SMIM8: variants seen among roughly 807,000 people sequenced by gnomAD.
SMIM8 encodes small integral membrane protein 8.
SMIM8 carries 8 observed loss-of-function variants against 8.1 expected under a neutral mutation model. That is an observed-to-expected ratio of 0.99 (90% CI 0.58 to 1.78). The LOEUF is 1.78. Among genes scored for constraint, SMIM8 ranks in the 40% most tolerant of loss-of-function variants. SMIM8 has a pLI of 0.00. For synonymous variants in SMIM8, 45 were observed against 39.7 expected (o/e 1.13, Z -0.50); for missense variants, 126 against 119.8 (o/e 1.05, Z -0.24).
chr6:87,335,540 T>C (rs1020245405), intron 2 of SMIM8, among the ~76,000 whole-genome samples: 1 of 152,152 alleles, frequency 6.6e-6, no homozygotes, highest in Non-Finnish European at 1.5e-5. Flanking sequence ...CAAGCAGATG[T>C]TCCTCTTGAG....
chr6:87,323,342 T>C (rs918538906), intron 1 of SMIM8, among the ~76,000 whole-genome samples: 1 of 152,182 alleles, frequency 6.6e-6, no homozygotes, highest in Non-Finnish European at 1.5e-5. Flanking sequence ...GTTACATATG[T>C]ATACATGTGC....
chr6:87,333,157 G>A (rs150218119), intron 2 of SMIM8, among the ~76,000 whole-genome samples: 2 of 152,320 alleles, frequency 1.3e-5, no homozygotes, highest in South Asian at 4.1e-4. Flanking sequence ...TCTGGCATGT[G>A]CAGAGATCAC....
rs780735737 is a variant in SMIM8, at chr6:87,341,523, T to C, written c.*1249T>C. On this transcript the variant is annotated 3_prime_UTR_variant, in exon 4 of 4. Transcript: ENST00000392863. ...TACCTAATTCTCCAAATCATTGTCA[T>C]TGGGCCTCAGTAGTAAATCTTACCT... The C allele has an allele frequency of 1.3e-5, 5 of 378,980 alleles. No homozygotes were observed. The highest frequency in any genetic ancestry group is 1.9e-5 in the Non-Finnish European group (4 of 214,548). The allele number at this position is 378,980 out of a possible 1,614,324, so 23.5% of individuals were successfully genotyped here. A position where few individuals can be genotyped will look rare whatever the true frequency, so the allele number is the denominator to read the frequency against.
At chr6:87,333,219 C>A (rs972249668) in intron 2 of SMIM8, among the ~76,000 whole-genome samples, 6 of 152,076 alleles carry the variant, frequency 3.9e-5, no homozygotes, top group Admixed American at 3.3e-4. Flanking sequence ...CTCTTTTTAA[C>A]AACCAGCTCT....
chr6:87,327,782 C>T (rs1245543949), intron 1 of SMIM8, among the ~76,000 whole-genome samples: 3 of 147,400 alleles, frequency 2.0e-5, no homozygotes. Flanking sequence ...TCTGTATTTC[C>T]TGAATCTGAA....
chr6:87,324,411 T>G (rs1351547396), intron 1 of SMIM8, among the ~76,000 whole-genome samples: 2 of 151,696 alleles, frequency 1.3e-5, no homozygotes, highest in Non-Finnish European at 1.5e-5. Context: ...AGGTCTAACG[T>G]TTAAGTCTTT....
intron 2 of SMIM8, among the ~76,000 whole-genome samples, chr6:87,336,374 A>G (rs1777113986): frequency 6.6e-6 from 1 of 152,234 alleles, no homozygotes; most frequent in African/African-American, 2.4e-5. Flanking sequence ...ACAGTAGCTA[A>G]GATAAAAAAG....
intron 1 of SMIM8, 200 bp downstream of exon 1, chr6:87,322,832 C>T (rs1160660534): frequency 6.6e-6 from 1 of 152,278 alleles, no homozygotes; most frequent in African/African-American, 2.4e-5. Context: ...CGGTGAAGCT[C>T]TCTGGCCCCA....
intron 3 of SMIM8, among the ~76,000 whole-genome samples, chr6:87,339,347 TGTGTG>T (rs1200051032): frequency 6.7e-5 from 10 of 150,158 alleles, no homozygotes; most frequent in African/African-American, 2.5e-4. Flanking sequence ...TGTGTGTGTG[TGTGTG>T]TGTGTGTGTG....
chr6:87,327,788 C>T (rs1416981268), intron 1 of SMIM8, among the ~76,000 whole-genome samples: 2 of 147,224 alleles, frequency 1.4e-5, no homozygotes, highest in African/African-American at 2.5e-5. Flanking sequence ...TTTCCTGAAT[C>T]TGAATGTTGG....
At chr6:87,323,279 T>C (rs1776717159) in intron 1 of SMIM8, among the ~76,000 whole-genome samples, 1 of 152,118 alleles carries the variant, frequency 6.6e-6, no homozygotes, top group African/African-American at 2.4e-5. Context: ...TGTTTATTTA[T>C]TTATTTGTTA....
At chr6:87,325,412 A>G (rs967255519) in intron 1 of SMIM8, among the ~76,000 whole-genome samples, 4 of 147,312 alleles carry the variant, frequency 2.7e-5, no homozygotes, top group African/African-American at 1.0e-4. Flanking sequence ...TTTGTCATAG[A>G]TAGCTCTTAT....
At chr6:87,330,905 T>C (rs1776981373) in intron 2 of SMIM8, 193 bp downstream of exon 2, 1 of 151,640 alleles carries the variant, frequency 6.6e-6, no homozygotes. Flanking sequence ...GAAATAAGAG[T>C]GGGGCAGATT....
intron 2 of SMIM8, among the ~76,000 whole-genome samples, chr6:87,332,106 A>G (rs1466450339): frequency 6.6e-6 from 1 of 152,066 alleles, no homozygotes; most frequent in African/African-American, 2.4e-5. Context: ...CTGCTAAGGA[A>G]AAAAGGAGAT....
intron 2 of SMIM8, among the ~76,000 whole-genome samples, chr6:87,331,506 A>T (rs1582092913): frequency 6.6e-6 from 1 of 152,208 alleles, no homozygotes; most frequent in African/African-American, 2.4e-5. Context: ...TATTCCTGGC[A>T]CATCTTGAAT....
In SMIM8 at chr6:87,341,202, C is replaced by T; in HGVS notation, c.*928C>T. The stretch of plus-strand genomic sequence containing the variant: ...CTTTTGAAGTTTATATGCCAGCAGG[C>T]CTTTTTGTTTTTTTCCTTTTCAGAA... On this transcript the variant is annotated 3_prime_UTR_variant, in exon 4 of 4. Coordinates refer to ENST00000392863, the MANE Select transcript of SMIM8 (RefSeq NM_001042493.3). 2.5e-6 allele frequency: 1 copy of T among 398,270 alleles called. No homozygotes were observed. Among genetic ancestry groups the T allele is most frequent in the Non-Finnish European group, 4.4e-6 (1 of 225,880 alleles). 24.7% of individuals were successfully genotyped at this position (398,270 alleles called of 1,614,324 possible).
chr6:87,331,243 T>C (rs1402502862), intron 2 of SMIM8, among the ~76,000 whole-genome samples: 1 of 152,184 alleles, frequency 6.6e-6, no homozygotes, highest in Non-Finnish European at 1.5e-5. Flanking sequence ...CTGATGGAAG[T>C]GTGCTGGACA....
At chr6:87,327,998 A>G (rs1446352322) in intron 1 of SMIM8, among the ~76,000 whole-genome samples, 1 of 151,240 alleles carries the variant, frequency 6.6e-6, no homozygotes, top group Non-Finnish European at 1.5e-5. Flanking sequence ...GCTTCATTTC[A>G]TTCACTTCAT....
At chr6:87,332,131 A>T (rs445434) in intron 2 of SMIM8, among the ~76,000 whole-genome samples, 1 of 151,584 alleles carries the variant, frequency 6.6e-6, no homozygotes, top group Admixed American at 6.6e-5. Flanking sequence ...CAATCTTACA[A>T]ATAAAATTAA....
Sources: allele counts gnomAD v4.1 joint callset (sites outside exome capture counted in the v4.1 genomes callset), GRCh38; gene constraint gnomAD v4.1.1; transcripts MANE v1.5; gene names NCBI Gene and HGNC (gene_info 2026-07-23, HGNC 2026-07-21).